The following DACH1 variants were observed in gnomAD, a reference collection of about 807,000 sequenced individuals.
DACH1 encodes the protein dachshund homolog 1.
DACH1 carries 12 observed loss-of-function variants against 54.2 expected under a neutral mutation model. The observed-to-expected ratio is 0.22, with a 90% CI of 0.14 to 0.36. The LOEUF (loss-of-function observed/expected upper bound fraction) is 0.36. Ranked by LOEUF, DACH1 falls within the 10% of genes least tolerant of loss-of-function variation. DACH1 has a pLI of 1.00. For missense variants in DACH1, 805 were observed against 929.8 expected, an observed-to-expected ratio of 0.87 and a Z score of 1.75; for synonymous variants, 386 against 366.2, an observed-to-expected ratio of 1.05 and a Z score of -0.62.
intron 1 of DACH1, among the ~76,000 whole-genome samples, chr13:71,684,006 A>G (rs532528812): frequency 4.6e-5 from 7 of 152,134 alleles, no homozygotes; most frequent in Middle Eastern, 6.8e-3. Context: ...AATCCAACCG[A>G]CTAAGCCAAA....
intron 1 of DACH1, among the ~76,000 whole-genome samples, chr13:71,798,545 T>C (rs1887159604): frequency 1.3e-5 from 2 of 151,940 alleles, no homozygotes; most frequent in South Asian, 2.1e-4. Context: ...TTGTGTCGTA[T>C]GTCAGAATTT....
chr13:71,830,820 A>T lies in DACH1; in HGVS notation c.848+35102T>A, dbSNP rs1888557266. Among the ~76,000 whole-genome samples the T allele has an allele frequency of 2.6e-5, 4 of 151,842 alleles. No homozygotes were observed. The South Asian group carries it at 8.3e-4, about 31-fold the overall frequency. On this transcript the variant is annotated intron_variant, in intron 1 of 10. Coordinates refer to ENST00000613252, the MANE Select transcript of DACH1 (RefSeq NM_080759.6). ...TTTACTTTTGGATTTTAGAACCATA[A>T]CATAAAGTATATTCTTAGCAATAAC...
rs1268533154 is a variant in DACH1 at position 71,515,968 on chromosome 13, C to T, written c.1571-26820G>A. Among the ~76,000 whole-genome samples the T allele has an allele frequency of 4.6e-5, 7 of 151,782 alleles. No individual in the cohort carries two copies. In the East Asian group the frequency reaches 9.7e-4, roughly 21 times the overall value. ...TCTCTGTCAGAGCACAACGATTCTGCCCTCCAACTTAAGAAAGAAGTTAGG... is the reference window on the plus strand; with the variant it reads ...TCTCTGTCAGAGCACAACGATTCTGTCCTCCAACTTAAGAAAGAAGTTAGG... On this transcript the variant is annotated intron_variant, in intron 6 of 10. Transcript: ENST00000613252.
intron 10 of DACH1, among the ~76,000 whole-genome samples, chr13:71,471,358 G>A (rs1193517826): frequency 1.3e-5 from 2 of 152,050 alleles, no homozygotes; most frequent in African/African-American, 4.8e-5. Context: ...GAACTTTTGG[G>A]TCTCTGTGAG....
At chr13:71,752,452 TTC>T (rs564101855) in intron 1 of DACH1, among the ~76,000 whole-genome samples, 404 of 147,558 alleles carry the variant, frequency 2.7e-3, no homozygotes, top group Admixed American at 4.6e-3. Context: ...AACCAGGAAA[TTC>T]TCTCTCTTTC....
intron 3 of DACH1, among the ~76,000 whole-genome samples, chr13:71,629,816 T>C (rs1876950864): frequency 6.6e-6 from 1 of 152,084 alleles, no homozygotes; most frequent in Admixed American, 6.6e-5. Context: ...ACAATACAAG[T>C]GCAATAGCAG....
chr13:71,552,822 TATATATATATATATATATATAGAGAGAG>T (rs1445617118), intron 6 of DACH1, among the ~76,000 whole-genome samples: 100 of 53,894 alleles, frequency 1.9e-3, no homozygotes, highest in African/African-American at 3.2e-3. Flanking sequence ...TATATATATA[TATATATATATATATATATATAGAGAGAG>T]AGAGAGAGAG....
chr13:71,718,090 C>T (rs1883063743), intron 1 of DACH1, among the ~76,000 whole-genome samples: 1 of 151,726 alleles, frequency 6.6e-6, no homozygotes, highest in Non-Finnish European at 1.5e-5. Context: ...TTGAAGGATT[C>T]GAAAGTCCAG....
intron 10 of DACH1, 103 bp downstream of exon 10, chr13:71,475,038 T>G: frequency 3.1e-6 from 3 of 982,104 alleles, no homozygotes; most frequent in Admixed American, 2.0e-5. Context: ...GAACTTGTTT[T>G]GATGTGGCCC....
intron 5 of DACH1, among the ~76,000 whole-genome samples, chr13:71,558,543 C>T (rs1884397110): frequency 1.3e-5 from 2 of 151,578 alleles, no homozygotes; most frequent in Non-Finnish European, 3.0e-5. Flanking sequence ...TTTTTTTTCT[C>T]TAGGACAGCA....
rs560381833 is a variant in DACH1 at position 71,507,493 on chromosome 13, T to C, written c.1571-18345A>G. ...AACTTTTTATGAAATGCAATTAACC[T>C]TGAAATATGAATACATTTTATTTTG... On this transcript the variant is annotated intron_variant, in intron 6 of 10. Coordinates refer to ENST00000613252, the MANE Select transcript of DACH1 (RefSeq NM_080759.6). Among the ~76,000 whole-genome samples, 8 of 152,314 alleles carry C rather than the reference T, an allele frequency of 5.3e-5. No homozygotes were observed. In the South Asian group the frequency reaches 1.7e-3, roughly 32 times the overall value.
intron 7 of DACH1, among the ~76,000 whole-genome samples, chr13:71,483,427 T>G (rs1050908634): frequency 1.4e-3 from 200 of 146,816 alleles, no homozygotes; most frequent in African/African-American, 4.8e-3. Flanking sequence ...GTTAAAATTA[T>G]TATATTTATA....
At chr13:71,539,304 T>C (rs1158980508) in intron 6 of DACH1, among the ~76,000 whole-genome samples, 2 of 152,048 alleles carry the variant, frequency 1.3e-5, no homozygotes, top group East Asian at 3.9e-4. Flanking sequence ...TTCAGAAAAA[T>C]GCTTTTCTTT....
rs9285274 is a variant in DACH1 at position 71,439,902 on chromosome 13, C to T, written c.*753G>A. ...AGCAACATTATTATCTTTAATTCTA[C>T]ATACCACTACCAGTTTGGAATGAAA... is the stretch of plus-strand genomic sequence containing the variant. On this transcript the variant is annotated 3_prime_UTR_variant, in exon 11 of 11. Coordinates refer to ENST00000613252, the MANE Select transcript of DACH1 (RefSeq NM_080759.6). 141,346 of 152,392 alleles carry T rather than the reference C, an allele frequency of 0.93. 66,398 individuals carry two copies. Among genetic ancestry groups the T allele is most frequent in the Non-Finnish European group, 1 (67,809 of 67,910 alleles). The allele number at this position is 152,392 out of a possible 1,614,324, so 9.4% of individuals were successfully genotyped here.
chr13:71,801,885 C>A (rs2138126401), intron 1 of DACH1, among the ~76,000 whole-genome samples: 1 of 151,768 alleles, frequency 6.6e-6, no homozygotes, highest in East Asian at 1.9e-4. Flanking sequence ...GTTTGGAATC[C>A]TGAAACCTGT....
chr13:71,654,284 G>A (rs1878892133), intron 2 of DACH1, among the ~76,000 whole-genome samples: 1 of 151,486 alleles, frequency 6.6e-6, no homozygotes, highest in Non-Finnish European at 1.5e-5. Context: ...CAGCAACTCG[G>A]GAGGCTGAGG....
At chr13:71,740,842 G>T (rs968783765) in intron 1 of DACH1, among the ~76,000 whole-genome samples, 15 of 152,108 alleles carry the variant, frequency 9.9e-5, no homozygotes, top group Non-Finnish European at 1.9e-4. Context: ...TGAAAACATA[G>T]ATTATAACAT....
At chr13:71,623,005 C>T (rs1236438243) in intron 3 of DACH1, among the ~76,000 whole-genome samples, 4 of 151,602 alleles carry the variant, frequency 2.6e-5, no homozygotes, top group Non-Finnish European at 4.4e-5. Context: ...ATATTTTCTG[C>T]CTTCTGCTTA....
At chr13:71,817,756 T>C (rs2138172528) in intron 1 of DACH1, among the ~76,000 whole-genome samples, 2 of 152,166 alleles carry the variant, frequency 1.3e-5, no homozygotes, top group Non-Finnish European at 2.9e-5. Flanking sequence ...ATCTCACCTG[T>C]TTCTTTTAAC....
Sources: gnomAD v4.1 joint callset for allele counts (sites outside exome capture counted in the v4.1 genomes callset) on GRCh38, gnomAD v4.1.1 for gene constraint, MANE v1.5 for transcripts, NCBI Gene and HGNC (gene_info 2026-07-23, HGNC 2026-07-21) for gene names.